Variants in GHITM observed in about 807,000 individuals in gnomAD.
The protein encoded by GHITM is growth hormone inducible transmembrane protein.
GHITM carries 24 observed loss-of-function variants against 38.7 expected under a neutral mutation model. The ratio of observed to expected loss-of-function variants is 0.62; its 90% CI spans 0.45 to 0.87. The LOEUF is 0.87. Among genes scored for constraint, GHITM ranks in the 40% least tolerant of loss-of-function variants. The pLI, the probability that GHITM is intolerant of heterozygous loss-of-function variation, is 0.00. For missense variants in GHITM, 420 were observed against 429.8 expected, an observed-to-expected ratio of 0.98 and a Z score of 0.20; for synonymous variants, 154 against 147.8, an observed-to-expected ratio of 1.04 and a Z score of -0.30.
intron 5 of GHITM, among the ~76,000 whole-genome samples, chr10:84,145,353 G>A (rs1226446840): frequency 1.3e-5 from 2 of 152,206 alleles, no homozygotes; most frequent in African/African-American, 4.8e-5. Context: ...AGACATTTCT[G>A]ATGAGAGTTA....
intron 3 of GHITM, 127 bp downstream of exon 3, chr10:84,142,881 T>C (rs140692623): frequency 2.6e-4 from 133 of 513,574 alleles, no homozygotes; most frequent in South Asian, 7.5e-4. Context: ...TATTCTGAGA[T>C]CTGACGACCC....
chr10:84,148,222 C>CA (rs1366411084), intron 5 of GHITM, among the ~76,000 whole-genome samples: 1 of 152,014 alleles, frequency 6.6e-6, no homozygotes, highest in African/African-American at 2.4e-5. Flanking sequence ...CTAACTTAGC[C>CA]AAAACTCTGA....
chr10:84,140,811 G>T (rs771273052), intron 1 of GHITM, among the ~76,000 whole-genome samples: 3 of 152,074 alleles, frequency 2.0e-5, no homozygotes, highest in Non-Finnish European at 4.4e-5. Context: ...GGGAAACCTG[G>T]TTGGTAACTG....
At chr10:84,147,402 T>A (rs1432061338) in intron 5 of GHITM, among the ~76,000 whole-genome samples, 1 of 152,184 alleles carries the variant, frequency 6.6e-6, no homozygotes, top group Non-Finnish European at 1.5e-5. Flanking sequence ...CAGCTCAGTA[T>A]GCTTTTTCAT....
rs1841630525 is a variant in GHITM, at chr10:84,153,528, G to C, written c.*1180G>C. 6.6e-6 allele frequency among the ~76,000 whole-genome samples: 1 copy of C among 152,220 alleles called. No individual in the cohort carries two copies. The highest frequency in any genetic ancestry group is 2.1e-4 in the South Asian group (1 of 4,832). ...TTTGTAAGTTCTTTGATACAGAAGA[G>C]TTATATTTAGAAGTCTTTAATGAAG... On this transcript the variant is annotated 3_prime_UTR_variant, in exon 9 of 9. Coordinates refer to ENST00000372134, the MANE Select transcript of GHITM (RefSeq NM_014394.3).
At chr10:84,150,564 A>G (rs1841601216) in intron 7 of GHITM, 145 bp from the exon 8 acceptor site, 1 of 626,912 alleles carries the variant, frequency 1.6e-6, no homozygotes, top group Non-Finnish European at 2.7e-6. Flanking sequence ...ACTAATGCAA[A>G]TAAGATTAGA....
At chr10:84,144,369 T>TTTGTTTG (rs368020553) in intron 4 of GHITM, among the ~76,000 whole-genome samples, 154 of 152,090 alleles carry the variant, frequency 1.0e-3, no homozygotes, top group African/African-American at 3.0e-3. Context: ...TTGTTTGTTT[T>TTTGTTTG]TTTGGAGAGA....
intron 2 of GHITM, 119 bp from the exon 3 acceptor site, chr10:84,142,536 A>G (rs1227795890): frequency 1.9e-6 from 1 of 514,708 alleles, no homozygotes; most frequent in African/African-American, 2.0e-5. Context: ...AGTTAGGTAT[A>G]TAGAAAGTAC....
intron 7 of GHITM, 144 bp downstream of exon 7, chr10:84,150,387 C>A: frequency 1.5e-6 from 1 of 657,348 alleles, no homozygotes; most frequent in Non-Finnish European, 2.5e-6. Flanking sequence ...TACTACCTGA[C>A]ATCATATAAA....
intron 1 of GHITM, 150 bp from the exon 2 acceptor site, chr10:84,141,312 C>T: frequency 1.8e-6 from 1 of 542,880 alleles, no homozygotes; most frequent in Non-Finnish European, 3.3e-6. Context: ...AAGAATTCAT[C>T]GCTGAAAATT....
chr10:84,140,416 G>C (rs1334527785), intron 1 of GHITM: 3 of 152,088 alleles, frequency 2.0e-5, no homozygotes, highest in Non-Finnish European at 2.9e-5. Context: ...TTATTCCTAG[G>C]GGTAGAATCA....
intron 2 of GHITM, 97 bp downstream of exon 2, chr10:84,141,726 G>C (rs1297644005): frequency 8.7e-7 from 1 of 1,146,650 alleles, no homozygotes; most frequent in African/African-American, 1.5e-5. Flanking sequence ...TGTGTTATAC[G>C]TCAGTTAGCC....
At chr10:84,147,099 A>G (rs557388740) in intron 5 of GHITM, among the ~76,000 whole-genome samples, 2 of 152,206 alleles carry the variant, frequency 1.3e-5, no homozygotes, top group Non-Finnish European at 2.9e-5. Context: ...CAGCTGTGCC[A>G]GTTCCGTATG....
chr10:84,152,563 T>A lies in GHITM; in HGVS notation c.*215T>A, dbSNP rs1841622966. Reference sequence around the variant, plus strand: ...CTCTCCCAAATAAGCACACACATTTTCAATTCTCATGTTTGAGTGATTTTA... The same window carrying A: ...CTCTCCCAAATAAGCACACACATTTACAATTCTCATGTTTGAGTGATTTTA... On this transcript the variant is annotated 3_prime_UTR_variant, in exon 9 of 9. Coordinates refer to ENST00000372134, the MANE Select transcript of GHITM (RefSeq NM_014394.3). 1.0e-5 allele frequency: 4 copies of A among 391,088 alleles called. No individual in the cohort carries two copies. Among genetic ancestry groups the A allele is most frequent in the Middle Eastern group, 1.2e-3 (2 of 1,714 alleles). 24.2% of individuals were successfully genotyped at this position (391,088 alleles called of 1,614,324 possible).
intron 1 of GHITM, among the ~76,000 whole-genome samples, chr10:84,141,215 A>T (rs1048436321): frequency 2.0e-5 from 3 of 152,352 alleles, no homozygotes; most frequent in African/African-American, 7.2e-5. Flanking sequence ...TTGATTGGTC[A>T]AACTGGGACT....
chr10:84,149,844 T>G (rs1198706133), intron 6 of GHITM, among the ~76,000 whole-genome samples: 1 of 152,208 alleles, frequency 6.6e-6, no homozygotes, highest in African/African-American at 2.4e-5. Flanking sequence ...GTGTGATTGA[T>G]TAGGAATAGT....
At chr10:84,144,270 A>G (rs920554298) in intron 4 of GHITM, among the ~76,000 whole-genome samples, 164 bp downstream of exon 4, 1 of 152,210 alleles carries the variant, frequency 6.6e-6, no homozygotes, top group South Asian at 2.1e-4. Flanking sequence ...TTTGACATTT[A>G]TTTATTCAAA....
At chr10:84,152,191 C>A in intron 8 of GHITM, 73 bp from the exon 9 acceptor site, 1 of 699,048 alleles carries the variant, frequency 1.4e-6, no homozygotes, top group Non-Finnish European at 2.4e-6. Flanking sequence ...TATTTTTCTT[C>A]TTTTCTATAT....
rs902087647 is a variant in GHITM, at chr10:84,139,543, C to T, written c.-90C>T. 6.6e-6 allele frequency: 1 copy of T among 152,316 alleles called. No individual in the cohort carries two copies. The highest frequency in any genetic ancestry group is 6.5e-5 in the Admixed American group (1 of 15,288). The allele number at this position is 152,316 out of a possible 1,614,324, so 9.4% of individuals were successfully genotyped here. A position where few individuals can be genotyped will look rare whatever the true frequency, so the allele number is the denominator to read the frequency against. On this transcript the variant is annotated 5_prime_UTR_variant, in exon 1 of 9. It adds an upstream start codon to the 5' untranslated region. Coordinates refer to ENST00000372134, the MANE Select transcript of GHITM (RefSeq NM_014394.3). ...GAGGAACTGTGCTCTTTGAGGCCGA[C>T]GCTAGGGGCCCGGAAGGGAAACTGC...
Sources: allele counts gnomAD v4.1 joint callset (sites outside exome capture counted in the v4.1 genomes callset), GRCh38; gene constraint gnomAD v4.1.1; transcripts MANE v1.5; gene names NCBI Gene and HGNC (gene_info 2026-07-23, HGNC 2026-07-21).